Variants in DENND4C observed in about 807,000 individuals in gnomAD.
DENND4C encodes DENN domain-containing protein 4C.
DENND4C carries 108 observed loss-of-function variants against 203.0 expected under a neutral mutation model. The observed-to-expected ratio is 0.53, with a 90% CI of 0.46 to 0.62. The LOEUF is 0.62. DENND4C is among the 20% of genes least tolerant of loss of function. The pLI, the probability that DENND4C is intolerant of heterozygous loss-of-function variation, is 0.00. For synonymous variants in DENND4C, 871 were observed against 792.4 expected, an observed-to-expected ratio of 1.10 and a Z score of -1.67; for missense variants, 2,481 against 2,301.2, an observed-to-expected ratio of 1.08 and a Z score of -1.60.
intron 22 of DENND4C, among the ~76,000 whole-genome samples, chr9:19,344,055 T>C (rs1238851494): frequency 1.3e-5 from 2 of 152,226 alleles, no homozygotes; most frequent in Non-Finnish European, 2.9e-5. Context: ...CTCTAAATGC[T>C]TATTCTGATT....
chr9:19,291,007 TC>T (rs886212939), intron 5 of DENND4C, 131 bp downstream of exon 5: 2 of 864,936 alleles, frequency 2.3e-6, no homozygotes, highest in African/African-American at 1.7e-5. Context: ...TACACTGTCA[TC>T]CCCAAGGTGA....
chr9:19,335,994 G>GT (rs1408370654), intron 18 of DENND4C, among the ~76,000 whole-genome samples: 1 of 151,986 alleles, frequency 6.6e-6, no homozygotes, highest in Admixed American at 6.6e-5. Flanking sequence ...CCAAGACTGT[G>GT]TAGGGGTTCT....
intron 17 of DENND4C, among the ~76,000 whole-genome samples, chr9:19,333,958 C>T (rs1819848095): frequency 6.6e-6 from 1 of 152,170 alleles, no homozygotes; most frequent in African/African-American, 2.4e-5. Flanking sequence ...TTTGGAGATA[C>T]TGTCTTTAAT....
chr9:19,298,124 T>TA lies in DENND4C; in HGVS notation c.1107+4dup. ...CAAAGACCGAGAATCCTTGTCCAGG[T>TA]AATCAAAAGAGAGTATATTTGGGGA... On this transcript the variant is annotated splice_region_variant and intron_variant, in intron 7 of 32. Coordinates refer to ENST00000434457, the MANE Select transcript of DENND4C (RefSeq NM_001330640.2). 1 of 1,607,474 alleles carries TA rather than the reference T, an allele frequency of 6.2e-7. No homozygotes were observed. The highest frequency in any genetic ancestry group is 8.5e-7 in the Non-Finnish European group (1 of 1,176,334).
intron 19 of DENND4C, 125 bp downstream of exon 19, chr9:19,336,539 A>G (rs927603526): frequency 4.2e-6 from 6 of 1,434,518 alleles, no homozygotes; most frequent in Non-Finnish European, 5.5e-6. Context: ...ATTTAAAGAC[A>G]GATTGTCTTA....
intron 6 of DENND4C, among the ~76,000 whole-genome samples, chr9:19,296,917 T>A (rs1023611458): frequency 6.6e-6 from 1 of 152,148 alleles, no homozygotes; most frequent in Admixed American, 6.5e-5. Context: ...TCGGAATGAG[T>A]TAATTGATGT....
intron 1 of DENND4C, among the ~76,000 whole-genome samples, chr9:19,237,103 C>T (rs1822155410): frequency 6.6e-6 from 1 of 152,202 alleles, no homozygotes; most frequent in Non-Finnish European, 1.5e-5. Flanking sequence ...TCACTGCAGC[C>T]TCCACCTCCT....
chr9:19,323,773 AG>A (rs1843277853), intron 12 of DENND4C, among the ~76,000 whole-genome samples: 1 of 152,230 alleles, frequency 6.6e-6, no homozygotes, highest in Admixed American at 6.5e-5. Context: ...TCTACTTAAA[AG>A]TTGTAGAGCT....
At position 19,346,206 on chromosome 9, in the gene DENND4C, C is replaced by A; in HGVS notation, c.3437C>A (p.Thr1146Asn). The change falls in exon 23 of 33, where the codon ACC (threonine) becomes AAC (asparagine). Residue 1146 changes from threonine to asparagine, a missense_variant. Physicochemically the swap from Thr to Asn is moderately conservative, Grantham distance 65 (BLOSUM62 0). This residue lies in a region of DENND4C where 2,289 missense variants were observed against 2,113.3 expected (regional missense o/e 1.08). Transcript: ENST00000434457. ...PKTSLLHIAR[T>N]HSFENVSCHL... is the part of the protein sequence containing the mutation. ...ACTTCTCTACTTCATATTGCAAGAACCCATAGCTTTGAGAATGTTAGCTGT... is the reference window on the plus strand; with the variant it reads ...ACTTCTCTACTTCATATTGCAAGAAACCATAGCTTTGAGAATGTTAGCTGT... 6.2e-7 allele frequency: 1 copy of A among 1,614,142 alleles called. No homozygotes were observed. Among genetic ancestry groups the A allele is most frequent in the South Asian group, 1.1e-5 (1 of 91,078 alleles).
At position 19,346,094 on chromosome 9, in the gene DENND4C, A is replaced by C. The variant is rs774653403; in HGVS notation, c.3325A>C (p.Ser1109Arg). ...TCGAGCAGGAATGTTGCTTAAGAAG[A>C]GTAGTTTGGATTCGAATTCAAGTGA... The part of the protein sequence containing the change: ...ESRAGMLLKK[S>R]SLDSNSSEMA... Residue 1109 changes from serine to arginine, a missense_variant, in exon 23 of 33, where the codon AGT (serine) becomes CGT (arginine). Physicochemically the swap from Ser to Arg is moderately radical, Grantham distance 110. Around this residue, in one of 3 missense-constraint regions of DENND4C, gnomAD observed 2,289 missense variants for 2,113.3 expected, o/e 1.08. Transcript: ENST00000434457. 6.2e-7 allele frequency: 1 copy of C among 1,614,200 alleles called. No individual in the cohort carries two copies. Among genetic ancestry groups the C allele is most frequent in the African/African-American group, 1.3e-5 (1 of 75,054 alleles).
intron 20 of DENND4C, among the ~76,000 whole-genome samples, chr9:19,338,998 T>A (rs1043074133): frequency 2.0e-5 from 3 of 152,234 alleles, no homozygotes; most frequent in African/African-American, 7.2e-5. Flanking sequence ...AAAAGACTTT[T>A]AAAATATTTG....
At chr9:19,287,167 T>A in intron 3 of DENND4C, 146 bp downstream of exon 3, 1 of 826,560 alleles carries the variant, frequency 1.2e-6, no homozygotes, top group Non-Finnish European at 1.6e-6. Flanking sequence ...TGATTTGTAA[T>A]AATTTTTAAA....
At chr9:19,302,973 A>ACT (rs1838900633) in intron 9 of DENND4C, among the ~76,000 whole-genome samples, 1 of 148,476 alleles carries the variant, frequency 6.7e-6, no homozygotes, top group African/African-American at 2.5e-5. Context: ...CTGAACTCTA[A>ACT]TGTCCTTTAC....
chr9:19,245,505 A>G (rs1033082384), intron 1 of DENND4C, among the ~76,000 whole-genome samples: 1 of 148,154 alleles, frequency 6.7e-6, no homozygotes, highest in Admixed American at 6.8e-5. Flanking sequence ...TCCAATGTAT[A>G]GTCAGGACGG....
chr9:19,340,944 A>T (rs1478913622), intron 20 of DENND4C, 48 bp from the exon 21 acceptor site: 2 of 1,498,528 alleles, frequency 1.3e-6, no homozygotes, highest in Admixed American at 2.3e-5. Flanking sequence ...TATATGAATT[A>T]TAAGTATATG....
chr9:19,355,561 A>G lies in DENND4C; in HGVS notation c.4782-1411A>G, dbSNP rs949243449. On this transcript the variant is annotated intron_variant, in intron 26 of 32. Transcript: ENST00000434457. Reference sequence around the variant, plus strand: ...TAACCTATCCTTTGCTTACTGCTATATGGTGTCACCTTTATCATATTTCAG... The same window carrying G: ...TAACCTATCCTTTGCTTACTGCTATGTGGTGTCACCTTTATCATATTTCAG... 2.0e-5 allele frequency among the ~76,000 whole-genome samples: 3 copies of G among 152,264 alleles called. No homozygotes were observed. The East Asian group carries it at 5.8e-4, about 29-fold the overall frequency.
At chr9:19,282,569 A>AAAAAT (rs1401050441) in intron 2 of DENND4C, among the ~76,000 whole-genome samples, 16 of 146,964 alleles carry the variant, frequency 1.1e-4, no homozygotes, top group South Asian at 4.4e-4. Flanking sequence ...TAAAAAAAAA[A>AAAAAT]AAAAAATAAT....
intron 30 of DENND4C, among the ~76,000 whole-genome samples, chr9:19,366,762 C>CAT (rs1827769045): frequency 6.6e-6 from 1 of 152,060 alleles, no homozygotes; most frequent in Non-Finnish European, 1.5e-5. Context: ...TAGAAGAAAA[C>CAT]ATAGGAGTAA....
At chr9:19,264,446 A>G (rs942214966) in intron 1 of DENND4C, among the ~76,000 whole-genome samples, 2 of 152,058 alleles carry the variant, frequency 1.3e-5, no homozygotes, top group Non-Finnish European at 2.9e-5. Flanking sequence ...AGCTGGGATT[A>G]CAGGTGCCTG....
Sources: allele counts gnomAD v4.1 joint callset (sites outside exome capture counted in the v4.1 genomes callset), GRCh38; gene constraint gnomAD v4.1.1; regional missense constraint gnomAD v4.1.1; transcripts MANE v1.5; gene names NCBI Gene and HGNC (gene_info 2026-07-23, HGNC 2026-07-21).